The following COL17A1 variants were observed in gnomAD, a reference collection of about 807,000 sequenced individuals.
The protein encoded by COL17A1 is collagen alpha-1(XVII) chain.
Under a neutral mutation model 218.4 loss-of-function variants are expected in COL17A1, and 181 were observed. That is an observed-to-expected ratio of 0.83 (90% CI 0.73 to 0.94). COL17A1 has a LOEUF of 0.94. Among genes scored for constraint, COL17A1 ranks in the 40% least tolerant of loss-of-function variants. The pLI, the probability that COL17A1 is intolerant of heterozygous loss-of-function variation, is 0.00. For missense variants in COL17A1, 1,924 were observed against 1,945.9 expected (o/e 0.99, Z 0.21); for synonymous variants, 721 against 731.0 (o/e 0.99, Z 0.22).
chr10:104,081,685 T>C (rs368396113), intron 1 of COL17A1, among the ~76,000 whole-genome samples: 1 of 152,168 alleles, frequency 6.6e-6, no homozygotes, highest in Admixed American at 6.5e-5. Context: ...GGTTCTAGAA[T>C]GCTGAGGCAC....
chr10:104,033,424 C>T lies in COL17A1; in HGVS notation c.4157-49G>A, dbSNP rs565157518. 67 of 1,597,388 alleles carry T rather than the reference C, an allele frequency of 4.2e-5. 1 individual carries two copies. In the South Asian group the frequency reaches 7.6e-4, roughly 18 times the overall value. On this transcript the variant is annotated intron_variant, in intron 52 of 55. Coordinates refer to ENST00000648076, the MANE Select transcript of COL17A1 (RefSeq NM_000494.4). Reference sequence around the variant, plus strand: ...ACAGGAAGCAGGGATCTCCCAGTACCCTCTTCAGCAGGAGCACAGTGCCCT... The same window carrying T: ...ACAGGAAGCAGGGATCTCCCAGTACTCTCTTCAGCAGGAGCACAGTGCCCT...
At chr10:104,035,881 TACTG>T (rs1350045390) in intron 48 of COL17A1, among the ~76,000 whole-genome samples, 4 of 3,972 alleles carry the variant, frequency 1.0e-3, no homozygotes, top group African/African-American at 1.5e-3. Context: ...TGTGCGTGAG[TACTG>T]GAGTGTATGG....
At chr10:104,077,562 G>T in intron 3 of COL17A1, 36 bp from the exon 4 acceptor site, 1 of 1,557,234 alleles carries the variant, frequency 6.4e-7, no homozygotes. Flanking sequence ...ATTTCAGGGT[G>T]GAGTCAGGCC....
chr10:104,045,678 G>C (rs805720), intron 33 of COL17A1, 80 bp downstream of exon 33: 1 of 1,182,090 alleles, frequency 8.5e-7, no homozygotes, highest in Non-Finnish European at 1.3e-6. Flanking sequence ...TGGCCAGAGA[G>C]AGGCCTCCTC....
At chr10:104,071,203 A>C (rs952879603) in intron 8 of COL17A1, among the ~76,000 whole-genome samples, 1 of 152,164 alleles carries the variant, frequency 6.6e-6, no homozygotes, top group Non-Finnish European at 1.5e-5. Context: ...TGGGGAGTGC[A>C]TGAGAGGAGA....
chr10:104,055,836 G>T lies in COL17A1; in HGVS notation c.1633C>A (p.Gln545Lys), dbSNP rs769584990. ...CTCACGAACATCCAGAGCTCCTCCT[G>T]GCTGTCACTGTGCAGCCCAATTTTG... ...LDKIGLHSDSQEELWMFVRKK... is the reference protein window; with the variant it reads ...LDKIGLHSDSKEELWMFVRKK... Residue 545 changes from glutamine to lysine, a missense_variant, in exon 18 of 56, where the codon CAG becomes AAG. Transcript: ENST00000648076. 5.0e-6 allele frequency: 8 copies of T among 1,614,206 alleles called. No homozygotes were observed. Among genetic ancestry groups the T allele is most frequent in the Non-Finnish European group, 5.1e-6 (6 of 1,180,052 alleles).
chr10:104,039,845 A>G, intron 41 of COL17A1, 128 bp downstream of exon 41: 1 of 1,385,484 alleles, frequency 7.2e-7, no homozygotes, highest in Middle Eastern at 1.8e-4. Flanking sequence ...CCATTCCTAG[A>G]GAAACACTGC....
At chr10:104,049,205 T>C (rs1029739271) in intron 29 of COL17A1, among the ~76,000 whole-genome samples, 2 of 152,010 alleles carry the variant, frequency 1.3e-5, no homozygotes, top group Admixed American at 1.3e-4. Flanking sequence ...TCTCCCAAAG[T>C]GGAAAGAAAC....
chr10:104,081,158 C>T (rs2086761634), intron 1 of COL17A1, among the ~76,000 whole-genome samples: 1 of 152,124 alleles, frequency 6.6e-6, no homozygotes, highest in African/African-American at 2.4e-5. Context: ...ATTTAAGAGT[C>T]TGGAGGTAAG....
Position 104,039,114 on chromosome 10 carries a change from T to A in COL17A1, c.2904A>T (p.Pro968=), listed in dbSNP as rs2274100. Reference sequence around the variant, plus strand: ...GAATGCCAAGAGCCCCTGGAACACCTGGATCACCTGGAATCCAAAATGAGA... The same window carrying A: ...GAATGCCAAGAGCCCCTGGAACACCAGGATCACCTGGAATCCAAAATGAGA... The part of the protein sequence containing the change: ...PQGPKGDKGD[P]GVPGALGIPS... The change falls in exon 44 of 56, where the codon CCA becomes CCT. Residue 968 remains proline (P), a synonymous_variant. Coordinates refer to ENST00000648076, the MANE Select transcript of COL17A1 (RefSeq NM_000494.4). The A allele has an allele frequency of 3.1e-6, 5 of 1,613,922 alleles. No individual in the cohort carries two copies. Among genetic ancestry groups the A allele is most frequent in the Non-Finnish European group, 4.2e-6 (5 of 1,179,960 alleles).
rs757388768 is a variant in COL17A1 at position 104,047,756 on chromosome 10, C to T, written c.2318G>A (p.Gly773Glu). 7 of 1,614,162 alleles carry T rather than the reference C, an allele frequency of 4.3e-6. No homozygotes were observed. The highest frequency in any genetic ancestry group is 5.9e-6 in the Non-Finnish European group (7 of 1,179,992). The change falls in exon 31 of 56, where the codon GGA (glycine) becomes GAA (glutamate). Residue 773 changes from glycine to glutamate, a missense_variant. By Grantham distance (98) the Gly-to-Glu change is moderately conservative. Transcript: ENST00000648076. Reference protein sequence around the residue: ...PGIRGPPGPSGDPGKPGLTGP... With the variant: ...PGIRGPPGPSEDPGKPGLTGP... ...TCTGTTACCTGGCTTTCCTGGGTCTCCAGAAGGTCCTGGTGGGCCACGGAT... is the reference window on the plus strand; with the variant it reads ...TCTGTTACCTGGCTTTCCTGGGTCTTCAGAAGGTCCTGGTGGGCCACGGAT...
intron 14 of COL17A1, 93 bp downstream of exon 14, chr10:104,060,026 C>T: frequency 6.3e-7 from 1 of 1,584,648 alleles, no homozygotes; most frequent in Non-Finnish European, 8.6e-7. Flanking sequence ...GGTTTCATGA[C>T]TCATAGGGTC....
chr10:104,047,734 G>T lies in COL17A1; in HGVS notation c.2335+5C>A. 6.2e-7 allele frequency: 1 copy of T among 1,613,354 alleles called. No homozygotes were observed. The highest frequency in any genetic ancestry group is 1.7e-5 in the Admixed American group (1 of 60,014). On this transcript the variant is annotated splice_donor_5th_base_variant and intron_variant, in intron 31 of 55. Coordinates refer to ENST00000648076, the MANE Select transcript of COL17A1 (RefSeq NM_000494.4). Reference sequence around the variant, plus strand: ...GGCCATGGCTCCCTCTTCCTGCTCTGTTACCTGGCTTTCCTGGGTCTCCAG... The same window carrying T: ...GGCCATGGCTCCCTCTTCCTGCTCTTTTACCTGGCTTTCCTGGGTCTCCAG...
At chr10:104,036,006 G>A (rs1446801784) in intron 48 of COL17A1, among the ~76,000 whole-genome samples, 1 of 146,088 alleles carries the variant, frequency 6.8e-6, no homozygotes, top group Non-Finnish European at 1.5e-5. Context: ...ATGCATATGT[G>A]AGTGTGTATG....
At chr10:104,062,760 A>G (rs1196085880) in intron 11 of COL17A1, among the ~76,000 whole-genome samples, 1 of 152,160 alleles carries the variant, frequency 6.6e-6, no homozygotes, top group African/African-American at 2.4e-5. Flanking sequence ...GACTCCTAGT[A>G]TTCCCGTTAG....
intron 23 of COL17A1, 21 bp downstream of exon 23, chr10:104,053,010 G>A (rs554206687): frequency 7.4e-6 from 12 of 1,612,486 alleles, no homozygotes; most frequent in African/African-American, 4.0e-5. Context: ...TAACTCTGCC[G>A]GTGAAGGAAT....
In COL17A1 at chr10:104,053,786, G is replaced by T. The variant is rs531177763; in HGVS notation, c.1834+134C>A. 2.4e-5 allele frequency: 17 copies of T among 708,312 alleles called. No homozygotes were observed. The East Asian group carries it at 4.0e-4, about 17-fold the overall frequency. The allele number at this position is 708,312 out of a possible 1,614,324, so 43.9% of individuals were successfully genotyped here. A position where few individuals can be genotyped will look rare whatever the true frequency, so the allele number is the denominator to read the frequency against. ...CAAATCTCAGCTCCACAACAGCAGG[G>T]TTTCTCTGTTTGGTTCACTGGTGTC... is the stretch of plus-strand genomic sequence containing the variant. On this transcript the variant is annotated intron_variant, in intron 22 of 55. Coordinates refer to ENST00000648076, the MANE Select transcript of COL17A1 (RefSeq NM_000494.4).
chr10:104,064,897 T>C (rs1379496286), intron 9 of COL17A1, among the ~76,000 whole-genome samples: 1 of 152,228 alleles, frequency 6.6e-6, no homozygotes, highest in African/African-American at 2.4e-5. Flanking sequence ...CCTGGTGGGC[T>C]GTCCCACCAA....
chr10:104,032,831 A>G (rs1844705952), intron 54 of COL17A1, 75 bp downstream of exon 54: 1 of 1,603,958 alleles, frequency 6.2e-7, no homozygotes, highest in African/African-American at 1.3e-5. Flanking sequence ...GTGTGGCACC[A>G]GCACAGGAGC....
Sources: allele counts gnomAD v4.1 joint callset (sites outside exome capture counted in the v4.1 genomes callset), GRCh38; gene constraint gnomAD v4.1.1; transcripts MANE v1.5; gene names NCBI Gene and HGNC (gene_info 2026-07-23, HGNC 2026-07-21).